Variants in HIPK1 observed in about 807,000 individuals in gnomAD.
HIPK1 encodes the protein homeodomain interacting protein kinase 1, also known as homeodomain-interacting protein kinase 1.
In HIPK1, 28 loss-of-function variants were observed where a neutral mutation model predicts 117.1. The ratio of observed to expected loss-of-function variants is 0.24; its 90% CI spans 0.18 to 0.33. The LOEUF is 0.33. HIPK1 is among the 10% of genes least tolerant of loss of function. The pLI is 1.00. For synonymous variants in HIPK1, 605 were observed against 562.5 expected (o/e 1.08, Z -1.07); for missense variants, 1,122 against 1,475.1 (o/e 0.76, Z 3.92).
chr1:113,963,314 A>G, intron 9 of HIPK1, 73 bp from the exon 10 acceptor site: 1 of 1,530,704 alleles, frequency 6.5e-7, no homozygotes, highest in Non-Finnish European at 8.9e-7. Context: ...ACTTGGGGGG[A>G]ATGAGAACCC....
rs1267166322 is a variant in HIPK1, at chr1:113,958,248, T to A, written c.1938T>A (p.Asp646Glu). The A allele has an allele frequency of 6.2e-7, 1 of 1,614,192 alleles. No homozygotes were observed. Among genetic ancestry groups the A allele is most frequent in the Non-Finnish European group, 8.5e-7 (1 of 1,180,026 alleles). ...CCACCCAGATTTGCACTCAGACAGA[T>A]CCATTCCAACAGACATTTATAGTAT... The part of the protein sequence containing the change: ...PGTTQICTQT[D>E]PFQQTFIVCP... The change falls in exon 8 of 16, where the codon GAT becomes GAA. Residue 646 changes from aspartate to glutamate, a missense_variant. By Grantham distance (45) the Asp-to-Glu change is conservative. Coordinates refer to ENST00000426820, the MANE Select transcript of HIPK1 (RefSeq NM_198268.3).
chr1:113,962,799 A>G (rs1231396967), intron 9 of HIPK1, among the ~76,000 whole-genome samples: 1 of 152,154 alleles, frequency 6.6e-6, no homozygotes, highest in East Asian at 1.9e-4. Flanking sequence ...CTAAAATATA[A>G]GCTTCCACTT....
At chr1:113,967,017 T>G (rs910838880) in intron 11 of HIPK1, among the ~76,000 whole-genome samples, 23 of 152,302 alleles carry the variant, frequency 1.5e-4, no homozygotes, top group African/African-American at 5.3e-4. Context: ...CTTATTTCAC[T>G]TAACATGATG....
rs748077605 is a variant in HIPK1 at position 113,962,357 on chromosome 1, G to A, written c.2022G>A (p.Val674=). Residue 674 remains valine, a synonymous_variant, in exon 9 of 16, where the codon GTG becomes GTA. Coordinates refer to ENST00000426820, the MANE Select transcript of HIPK1 (RefSeq NM_198268.3). Reference sequence around the variant, plus strand: ...CAACAAAGCATTCTGGATTCCCTGTGAGGATGGATAATGCTGTACCGATTG... The same window carrying A: ...CAACAAAGCATTCTGGATTCCCTGTAAGGATGGATAATGCTGTACCGATTG... ...QATTKHSGFP[V]RMDNAVPIVP... 1 of 1,613,834 alleles carries A rather than the reference G, an allele frequency of 6.2e-7. No homozygotes were observed. The highest frequency in any genetic ancestry group is 8.5e-7 in the Non-Finnish European group (1 of 1,179,882).
At chr1:113,951,154 A>C (rs1362160684) in intron 2 of HIPK1, 1 of 851,958 alleles carries the variant, frequency 1.2e-6, no homozygotes, top group Non-Finnish European at 1.4e-6. Context: ...CATAGTAGGC[A>C]ATATTTATGT....
chr1:113,942,050 C>T (rs907752656), intron 2 of HIPK1, among the ~76,000 whole-genome samples: 2 of 151,454 alleles, frequency 1.3e-5, no homozygotes, highest in Non-Finnish European at 2.9e-5. Context: ...CGTGAGCCAC[C>T]GTGCCCAGCC....
chr1:113,952,308 C>A (rs772974229), intron 2 of HIPK1, among the ~76,000 whole-genome samples: 8 of 151,518 alleles, frequency 5.3e-5, no homozygotes, highest in Non-Finnish European at 7.4e-5. Context: ...TAAAAAAAAT[C>A]TATTATCCCT....
intron 1 of HIPK1, among the ~76,000 whole-genome samples, chr1:113,931,751 A>G (rs947942719): frequency 7.2e-5 from 11 of 152,194 alleles, no homozygotes; most frequent in Non-Finnish European, 1.6e-4. Context: ...TGTTGGTACA[A>G]ATCAGTGAGT....
At chr1:113,969,218 A>T (rs766297794) in intron 13 of HIPK1, among the ~76,000 whole-genome samples, 3 of 152,206 alleles carry the variant, frequency 2.0e-5, no homozygotes, top group Non-Finnish European at 4.4e-5. Flanking sequence ...AACTTGGAAG[A>T]GAAAATTTAG....
rs374946873 is a variant in HIPK1, at chr1:113,963,419, C to T, written c.2136C>T (p.Leu712=). Residue 712 remains leucine, a synonymous_variant, in exon 10 of 16, where the codon CTC becomes CTT. Transcript: ENST00000426820. The stretch of plus-strand genomic sequence containing the variant: ...GTACACCACTAATGGTAGCAACTCT[C>T]CACCCTCAAGTAGCCACCATCACAC... ...GSCTPLMVAT[L]HPQVATITPQ... The T allele has an allele frequency of 1.3e-5, 21 of 1,614,106 alleles. No homozygotes were observed. In the African/African-American group the frequency reaches 2.5e-4, roughly 19 times the overall value.
intron 8 of HIPK1, among the ~76,000 whole-genome samples, chr1:113,961,715 A>T (rs762424342): frequency 6.6e-6 from 1 of 152,028 alleles, no homozygotes; most frequent in Admixed American, 6.5e-5. Flanking sequence ...GGAGGCCAAG[A>T]TGGGCAGATC....
Position 113,940,465 on chromosome 1 carries a change from C to A in HIPK1, c.82C>A (p.Pro28Thr), listed in dbSNP as rs1273196443. 6.2e-7 allele frequency: 1 copy of A among 1,614,146 alleles called. No homozygotes were observed. The highest frequency in any genetic ancestry group is 8.5e-7 in the Non-Finnish European group (1 of 1,180,022). The change falls in exon 2 of 16, where the codon CCC becomes ACC. Residue 28 changes from proline to threonine, a missense_variant. Pro to Thr is a conservative substitution (Grantham distance 38, BLOSUM62 -1). Coordinates refer to ENST00000426820, the MANE Select transcript of HIPK1 (RefSeq NM_198268.3). ...FCSAKKLKIEPSGWDVSGQSS... is the reference protein window; with the variant it reads ...FCSAKKLKIETSGWDVSGQSS... ...CAGTGCGAAGAAACTGAAAATAGAG[C>A]CCTCTGGCTGGGATGTTTCAGGACA...
At chr1:113,947,123 T>C (rs1378295594) in intron 2 of HIPK1, among the ~76,000 whole-genome samples, 2 of 152,206 alleles carry the variant, frequency 1.3e-5, no homozygotes, top group African/African-American at 2.4e-5. Flanking sequence ...TATGCCAGTA[T>C]TATCAGCTCA....
In HIPK1 at chr1:113,973,752, AT is replaced by A; in HGVS notation, c.*244del. 1 of 380,736 alleles carries A rather than the reference AT, an allele frequency of 2.6e-6. No homozygotes were observed. The highest frequency in any genetic ancestry group is 4.6e-5 in the Admixed American group (1 of 21,844). 23.6% of individuals were successfully genotyped at this position (380,736 alleles called of 1,614,324 possible). A position where few individuals can be genotyped will look rare whatever the true frequency, so the allele number is the denominator to read the frequency against. On this transcript the variant is annotated 3_prime_UTR_variant, in exon 16 of 16. Coordinates refer to ENST00000426820, the MANE Select transcript of HIPK1 (RefSeq NM_198268.3). ...TAAATTCATTATTTTTGTGACAGTA[AT>A]TTTGGTACTTGGAAGAGTTCAGATG... is the stretch of plus-strand genomic sequence containing the variant.
At chr1:113,965,939 C>T (rs1051507914) in intron 10 of HIPK1, among the ~76,000 whole-genome samples, 191 bp from the exon 11 acceptor site, 3 of 152,088 alleles carry the variant, frequency 2.0e-5, no homozygotes, top group Admixed American at 1.3e-4. Context: ...CAAGAGAAAG[C>T]AGTATGTTTT....
chr1:113,940,308 GTGTT>G (rs1670564404), intron 1 of HIPK1, 70 bp from the exon 2 acceptor site: 1 of 1,248,648 alleles, frequency 8.0e-7, no homozygotes, highest in Non-Finnish European at 1.1e-6. Flanking sequence ...GTGTGTGTGT[GTGTT>G]TGTGTGTTTT....
intron 1 of HIPK1, chr1:113,932,190 T>C (rs1335597452): frequency 1.3e-5 from 2 of 152,140 alleles, no homozygotes; most frequent in East Asian, 1.9e-4. Flanking sequence ...TCATGTGTTA[T>C]ATCATTTCAG....
At chr1:113,942,999 A>G (rs375591257) in intron 2 of HIPK1, among the ~76,000 whole-genome samples, 1 of 152,252 alleles carries the variant, frequency 6.6e-6, no homozygotes, top group East Asian at 1.9e-4. Context: ...AGAATTTTAT[A>G]TTATGTGTGA....
At position 113,957,185 on chromosome 1, in the gene HIPK1, G is replaced by A. The variant is rs1226205564; in HGVS notation, c.1654G>A (p.Val552Met). 1 of 1,613,476 alleles carries A rather than the reference G, an allele frequency of 6.2e-7. No homozygotes were observed. Among genetic ancestry groups the A allele is most frequent in the Non-Finnish European group, 8.5e-7 (1 of 1,179,536 alleles). The change falls in exon 7 of 16, where the codon GTG (valine) becomes ATG (methionine). Residue 552 changes from valine to methionine, a missense_variant. Val to Met is a conservative substitution (Grantham distance 21, BLOSUM62 1). Coordinates refer to ENST00000426820, the MANE Select transcript of HIPK1 (RefSeq NM_198268.3). ...GCGGAGGGTTCACATGTATGATACA[G>A]TGAGTCAGATCAAGAGTCCCTTCAC... ...CKRRVHMYDT[V>M]SQIKSPFTTH...
Sources: allele counts gnomAD v4.1 joint callset (sites outside exome capture counted in the v4.1 genomes callset), GRCh38; gene constraint gnomAD v4.1.1; transcripts MANE v1.5; gene names NCBI Gene and HGNC (gene_info 2026-07-23, HGNC 2026-07-21).